MED17: variants seen among roughly 807,000 people sequenced by gnomAD.
MED17 encodes the protein mediator of RNA polymerase II transcription subunit 17.
A neutral mutation model predicts 80.8 loss-of-function variants in MED17; 49 were observed. The ratio of observed to expected loss-of-function variants is 0.61; its 90% confidence interval spans 0.48 to 0.77. MED17 has a LOEUF of 0.77. Ranked by LOEUF, MED17 falls within the 30% of genes least tolerant of loss-of-function variation. The pLI, the probability that MED17 is intolerant of heterozygous loss-of-function variation, is 0.00. For missense variants in MED17, 718 were observed against 787.0 expected, an observed-to-expected ratio of 0.91 and a Z score of 1.05; for synonymous variants, 281 against 280.4, an observed-to-expected ratio of 1.00 and a Z score of -0.02.
At chr11:93,799,362 G>C (rs1270463604) in intron 8 of MED17, among the ~76,000 whole-genome samples, 2 of 152,146 alleles carry the variant, frequency 1.3e-5, no homozygotes, top group East Asian at 3.9e-4. Flanking sequence ...TTTTAGTAGA[G>C]TTGGGGTTTC....
chr11:93,786,919 A>G (rs1016257823), intron 1 of MED17, among the ~76,000 whole-genome samples: 1 of 152,222 alleles, frequency 6.6e-6, no homozygotes, highest in African/African-American at 2.4e-5. Flanking sequence ...GAAGCAATCT[A>G]CATGTCCGTT....
At chr11:93,787,962 A>G (rs1036673339) in intron 1 of MED17, 39 bp from the exon 2 acceptor site, 4 of 1,570,112 alleles carry the variant, frequency 2.5e-6, no homozygotes, top group East Asian at 2.2e-5. Flanking sequence ...AATGTAACGA[A>G]TACTTCTGTA....
At chr11:93,797,430 G>A in intron 7 of MED17, 105 bp from the exon 8 acceptor site, 1 of 1,146,238 alleles carries the variant, frequency 8.7e-7, no homozygotes, top group East Asian at 2.4e-5. Context: ...TTCATATGTG[G>A]TTCAAATCCA....
chr11:93,807,271 G>A (rs1024452628), intron 9 of MED17: 1 of 412,022 alleles, frequency 2.4e-6, no homozygotes, highest in African/African-American at 2.1e-5. Context: ...AAATTAGCCG[G>A]GCATGATGGC....
At chr11:93,803,203 A>C (rs1943981311) in intron 9 of MED17, among the ~76,000 whole-genome samples, 1 of 152,222 alleles carries the variant, frequency 6.6e-6, no homozygotes, top group African/African-American at 2.4e-5. Context: ...TGTGAAACAC[A>C]AAATAACGAC....
intron 11 of MED17, chr11:93,810,166 ACTTT>A: frequency 2.6e-6 from 1 of 390,614 alleles, no homozygotes; most frequent in Non-Finnish European, 4.8e-6. Flanking sequence ...ATGGATAAAA[ACTTT>A]AAAAAAAATA....
chr11:93,791,582 G>A (rs913222061), intron 3 of MED17, among the ~76,000 whole-genome samples: 1 of 151,876 alleles, frequency 6.6e-6, no homozygotes, highest in African/African-American at 2.4e-5. Context: ...TTGCATACCT[G>A]TTAGTCCCAG....
rs886255508 is a variant in MED17 at position 93,784,411 on chromosome 11, C to A, written c.-103C>A. ...CCGAGGGTCTTCTGAGGCACCGCGG[C>A]TGCGGGCTTCTGAGTTCCCGGCTCT... On this transcript the variant is annotated 5_prime_UTR_variant, in exon 1 of 12. The change creates a new upstream start codon in the 5' untranslated region. Coordinates refer to ENST00000251871, the MANE Select transcript of MED17 (RefSeq NM_004268.5). 2.1e-6 allele frequency: 3 copies of A among 1,435,668 alleles called. No individual in the cohort carries two copies. Among genetic ancestry groups the A allele is most frequent in the South Asian group, 1.4e-5 (1 of 71,636 alleles). The allele number at this position is 1,435,668 out of a possible 1,614,324, so 88.9% of individuals were successfully genotyped here. A position where few individuals can be genotyped will look rare whatever the true frequency, so the allele number is the denominator to read the frequency against.
At chr11:93,803,183 C>G (rs985747419) in intron 9 of MED17, among the ~76,000 whole-genome samples, 1 of 152,086 alleles carries the variant, frequency 6.6e-6, no homozygotes, top group African/African-American at 2.4e-5. Flanking sequence ...CACAGTAAAG[C>G]AAAGCATACT....
At chr11:93,808,898 C>CCAGCACTACTGCCTT (rs1676965139) in intron 10 of MED17, 1 of 152,676 alleles carries the variant, frequency 6.5e-6, no homozygotes, top group South Asian at 2.1e-4. Context: ...TCATGCTGTC[C>CCAGCACTACTGCCTT]CAGCACTACT....
Position 93,784,323 on chromosome 11 carries a change from G to A in MED17, c.-191G>A, listed in dbSNP as rs1297565269. 1.4e-6 allele frequency: 1 copy of A among 720,862 alleles called. No homozygotes were observed. The highest frequency in any genetic ancestry group is 2.2e-6 in the Non-Finnish European group (1 of 457,456). The allele number at this position is 720,862 out of a possible 1,614,324, so 44.7% of individuals were successfully genotyped here. A position where few individuals can be genotyped will look rare whatever the true frequency, so the allele number is the denominator to read the frequency against. ...ACTTACCGAGGAGGGAGCTTGCGGT[G>A]CGTTCTGGGAAAGTTGCTGGGCCAG... On this transcript the variant is annotated 5_prime_UTR_variant, in exon 1 of 12. Coordinates refer to ENST00000251871, the MANE Select transcript of MED17 (RefSeq NM_004268.5).
At chr11:93,807,192 A>G in intron 9 of MED17, 1 of 247,736 alleles carries the variant, frequency 4.0e-6, no homozygotes, top group Non-Finnish European at 7.9e-6. Context: ...CAGGTAGATC[A>G]CTTCAGGTCA....
chr11:93,799,050 C>G (rs1356702075), intron 8 of MED17, among the ~76,000 whole-genome samples: 2 of 152,146 alleles, frequency 1.3e-5, no homozygotes, highest in Non-Finnish European at 2.9e-5. Context: ...GAAAAAAAGA[C>G]CCTGTCTGGG....
rs1299335718 is a variant in MED17 at position 93,809,716 on chromosome 11, G to T, written c.1585-1G>T. 1 of 1,614,156 alleles carries T rather than the reference G, an allele frequency of 6.2e-7. No homozygotes were observed. Among genetic ancestry groups the T allele is most frequent in the Admixed American group, 1.7e-5 (1 of 60,024 alleles). The stretch of plus-strand genomic sequence containing the variant: ...AGTCAAGTGTCCTTTTTCATTCACA[G>T]ATGTCACAGCACCAGGTACATGCAG... On this transcript the variant is annotated splice_acceptor_variant, in intron 10 of 11. Coordinates refer to ENST00000251871, the MANE Select transcript of MED17 (RefSeq NM_004268.5). LOFTEE classifies it high-confidence loss of function.
chr11:93,802,029 G>T (rs770195643), intron 9 of MED17, 57 bp downstream of exon 9: 119 of 1,490,906 alleles, frequency 8.0e-5, no homozygotes, highest in Non-Finnish European at 7.0e-5. Context: ...ATTGATGTTT[G>T]CTGAGTAATT....
chr11:93,795,007 C>T lies in MED17; in HGVS notation c.959C>T (p.Ser320Leu). The change falls in exon 6 of 12, where the codon TCA (serine) becomes TTA (leucine). Residue 320 changes from serine to leucine, a missense_variant. Transcript: ENST00000251871. Reference protein sequence around the residue: ...QLSREAVQIKSQVPHIVVKNQ... With the variant: ...QLSREAVQIKLQVPHIVVKNQ... Reference sequence around the variant, plus strand: ...TCTCGGGAAGCTGTTCAAATTAAATCACAAGTCCCTCACATTGTGGTGAAA... The same window carrying T: ...TCTCGGGAAGCTGTTCAAATTAAATTACAAGTCCCTCACATTGTGGTGAAA... The T allele has an allele frequency of 6.2e-7, 1 of 1,614,150 alleles. No individual in the cohort carries two copies. Among genetic ancestry groups the T allele is most frequent in the African/African-American group, 1.3e-5 (1 of 75,052 alleles).
At chr11:93,798,437 A>T (rs140288946) in intron 8 of MED17, among the ~76,000 whole-genome samples, 102 of 152,320 alleles carry the variant, frequency 6.7e-4, no homozygotes, top group African/African-American at 2.4e-3. Flanking sequence ...AATTTCAGGC[A>T]TGGGCATTGT....
At chr11:93,809,629 CCAA>C (rs539432056) in intron 10 of MED17, 85 bp from the exon 11 acceptor site, 97 of 1,416,698 alleles carry the variant, frequency 6.8e-5, no homozygotes, top group Non-Finnish European at 9.3e-5. Flanking sequence ...AGTGAGCACC[CCAA>C]CAAAAGTTTA....
At chr11:93,789,822 G>C (rs1943813048) in intron 2 of MED17, 1 of 148,076 alleles carries the variant, frequency 6.8e-6, no homozygotes, top group Non-Finnish European at 1.5e-5. Context: ...AGCCAGGCTT[G>C]GTGTTGCACA....
Sources: gnomAD v4.1 joint callset for allele counts (sites outside exome capture counted in the v4.1 genomes callset) on GRCh38, gnomAD v4.1.1 for gene constraint, MANE v1.5 for transcripts, NCBI Gene and HGNC (gene_info 2026-07-23, HGNC 2026-07-21) for gene names.